KCNQ5: variants seen among roughly 807,000 people sequenced by gnomAD.
KCNQ5 encodes the protein potassium voltage-gated channel subfamily Q member 5.
A neutral mutation model predicts 98.2 loss-of-function variants in KCNQ5; 30 were observed. That is an observed-to-expected ratio of 0.31 (90% CI 0.23 to 0.41). The LOEUF (loss-of-function observed/expected upper bound fraction) is 0.41. Among genes scored for constraint, KCNQ5 ranks in the 10% least tolerant of loss-of-function variants. The probability of loss-of-function intolerance (pLI) is 1.00; values close to 1 mark genes in which losing one functional copy is unlikely to be tolerated. For synonymous variants in KCNQ5, 458 were observed against 449.4 expected, an observed-to-expected ratio of 1.02 and a Z score of -0.24; for missense variants, 835 against 1,182.5, an observed-to-expected ratio of 0.71 and a Z score of 4.31.
intron 1 of KCNQ5, among the ~76,000 whole-genome samples, chr6:72,714,793 G>T (rs938616866): frequency 1.3e-5 from 2 of 152,090 alleles, no homozygotes; most frequent in African/African-American, 4.8e-5. Context: ...GCAAAAACTT[G>T]ATTTCCTCTT....
chr6:73,114,299 G>A (rs553759170), intron 7 of KCNQ5, among the ~76,000 whole-genome samples: 1 of 152,068 alleles, frequency 6.6e-6, no homozygotes, highest in South Asian at 2.1e-4. Flanking sequence ...AAACCATCAA[G>A]CCCAAAAGCG....
intron 1 of KCNQ5, chr6:72,987,896 G>T: frequency 3.5e-6 from 1 of 289,420 alleles, no homozygotes; most frequent in East Asian, 8.4e-5. Context: ...TAAACTTAGC[G>T]TTCCAATAAT....
chr6:73,160,224 G>A (rs528262721), intron 10 of KCNQ5, among the ~76,000 whole-genome samples: 50 of 151,852 alleles, frequency 3.3e-4, no homozygotes, highest in Non-Finnish European at 6.3e-4. Flanking sequence ...CACCGTGTTA[G>A]CCAGGATGGT....
chr6:73,030,807 T>C (rs964554822), intron 2 of KCNQ5, among the ~76,000 whole-genome samples: 1 of 152,166 alleles, frequency 6.6e-6, no homozygotes, highest in South Asian at 2.1e-4. Context: ...AATACCCTTT[T>C]CTCCTCTGAA....
At chr6:72,658,566 A>ATG (rs1255011995) in intron 1 of KCNQ5, among the ~76,000 whole-genome samples, 3 of 97,576 alleles carry the variant, frequency 3.1e-5, no homozygotes, top group African/African-American at 1.4e-4. Flanking sequence ...AAGGATATAT[A>ATG]TATATATATA....
intron 1 of KCNQ5, among the ~76,000 whole-genome samples, chr6:72,866,351 C>A (rs1011788047): frequency 6.7e-6 from 1 of 149,734 alleles, no homozygotes; most frequent in African/African-American, 2.5e-5. Flanking sequence ...ACCTCCCAGG[C>A]TCAGGTGATC....
rs1765752635 is a variant in KCNQ5, at chr6:73,195,377, C to T, written c.2762C>T (p.Thr921Ile). 6.2e-7 allele frequency: 1 copy of T among 1,613,852 alleles called. No individual in the cohort carries two copies. The highest frequency in any genetic ancestry group is 1.1e-5 in the South Asian group (1 of 91,090). The change falls in exon 14 of 14, where the codon ACA becomes ATA. Residue 921 changes from threonine (T) to isoleucine (I), a missense_variant. By Grantham distance (89) the Thr-to-Ile change is moderately conservative. Coordinates refer to ENST00000370398, the MANE Select transcript of KCNQ5 (RefSeq NM_019842.4). The stretch of plus-strand genomic sequence containing the variant: ...AGCATTTGTAAGGCAGGAGAAAGTA[C>T]AGATGCCCTCAGCTTGCCTCATGTC... ...SQSICKAGES[T>I]DALSLPHVKL...
chr6:73,130,600 A>G (rs1266423650), intron 9 of KCNQ5, among the ~76,000 whole-genome samples: 1 of 152,202 alleles, frequency 6.6e-6, no homozygotes, highest in Non-Finnish European at 1.5e-5. Context: ...GTCACCAAAA[A>G]AAAGGCAGGA....
intron 7 of KCNQ5, among the ~76,000 whole-genome samples, chr6:73,112,576 A>G (rs1448191747): frequency 1.3e-5 from 2 of 151,866 alleles, no homozygotes; most frequent in African/African-American, 4.8e-5. Context: ...CCATCTCTCA[A>G]CCTCGTGATC....
At chr6:73,125,840 A>T (rs1312686042) in intron 9 of KCNQ5, among the ~76,000 whole-genome samples, 1 of 1,014 alleles carries the variant, frequency 9.9e-4, no homozygotes, top group Non-Finnish European at 2.1e-3. Context: ...AGCTCTAACT[A>T]CCAAATAAGC....
Position 73,194,477 on chromosome 6 carries a change from A to T in KCNQ5, c.1862A>T (p.Asp621Val). 1 of 1,613,994 alleles carries T rather than the reference A, an allele frequency of 6.2e-7. No homozygotes were observed. The highest frequency in any genetic ancestry group is 8.5e-7 in the Non-Finnish European group (1 of 1,179,860). The stretch of plus-strand genomic sequence containing the variant: ...GTACAGTCCATAGAATCCAAGCTGG[A>T]CTGCCTACTAGACATCTATCAACAG... ...KQVQSIESKL[D>V]CLLDIYQQVL... is the part of the protein sequence containing the mutation. The change falls in exon 14 of 14, where the codon GAC (aspartate) becomes GTC (valine). Residue 621 changes from aspartate to valine, a missense_variant. By Grantham distance (152) the Asp-to-Val change is radical (BLOSUM62 -3). Coordinates refer to ENST00000370398, the MANE Select transcript of KCNQ5 (RefSeq NM_019842.4).
intron 1 of KCNQ5, among the ~76,000 whole-genome samples, chr6:72,714,678 A>G (rs1008452734): frequency 1.3e-5 from 2 of 152,188 alleles, no homozygotes; most frequent in Non-Finnish European, 2.9e-5. Context: ...TGACCATCTG[A>G]CCAGTTTAAT....
At chr6:72,795,450 A>G (rs1774279010) in intron 1 of KCNQ5, among the ~76,000 whole-genome samples, 1 of 152,194 alleles carries the variant, frequency 6.6e-6, no homozygotes, top group African/African-American at 2.4e-5. Context: ...TTAATTTTGT[A>G]CATATCCCTC....
At position 72,648,403 on chromosome 6, in the gene KCNQ5, A is replaced by G. The variant is rs150035640; in HGVS notation, c.398+25816A>G. 1.8e-4 allele frequency among the ~76,000 whole-genome samples: 28 copies of G among 152,306 alleles called. No individual in the cohort carries two copies. The East Asian group carries it at 5.0e-3, about 27-fold the overall frequency. On this transcript the variant is annotated intron_variant, in intron 1 of 13. Coordinates refer to ENST00000370398, the MANE Select transcript of KCNQ5 (RefSeq NM_019842.4). ...CAGTGTCATTGTATAGGAAAATACC[A>G]TACAGTAATTGAAAGGAATGAATTA... is the stretch of plus-strand genomic sequence containing the variant.
chr6:73,005,917 A>G (rs1407879901), intron 2 of KCNQ5, among the ~76,000 whole-genome samples: 1 of 152,228 alleles, frequency 6.6e-6, no homozygotes, highest in East Asian at 1.9e-4. Flanking sequence ...CTACCTAGAA[A>G]TATGCAGACT....
chr6:72,805,297 G>T (rs1214899357), intron 1 of KCNQ5, among the ~76,000 whole-genome samples: 1 of 151,944 alleles, frequency 6.6e-6, no homozygotes, highest in Non-Finnish European at 1.5e-5. Flanking sequence ...TCATAGTTTG[G>T]GGTCTTAGAC....
At chr6:72,750,044 G>T (rs1365820720) in intron 1 of KCNQ5, among the ~76,000 whole-genome samples, 1 of 152,072 alleles carries the variant, frequency 6.6e-6, no homozygotes, top group Admixed American at 6.6e-5. Flanking sequence ...TAAAACCGTG[G>T]TCTGTATATC....
chr6:72,919,134 GTTCATGGCCAACCAATGGACGAGGTGGCC>G (rs1467616886), intron 1 of KCNQ5, among the ~76,000 whole-genome samples: 5 of 152,084 alleles, frequency 3.3e-5, no homozygotes. Context: ...TGACTTGATC[GTTCATGGCCAACCAATGGACGAGGTGGCC>G]TTGCATCAAG....
At chr6:72,879,290 C>T (rs1349789283) in intron 1 of KCNQ5, among the ~76,000 whole-genome samples, 1 of 152,102 alleles carries the variant, frequency 6.6e-6, no homozygotes, top group African/African-American at 2.4e-5. Context: ...ATACTTGATA[C>T]TGTCAAATGT....
Sources: gnomAD v4.1 joint callset for allele counts (sites outside exome capture counted in the v4.1 genomes callset) on GRCh38, gnomAD v4.1.1 for gene constraint, MANE v1.5 for transcripts, NCBI Gene and HGNC (gene_info 2026-07-23, HGNC 2026-07-21) for gene names.